MUC7: variants seen among roughly 807,000 people sequenced by gnomAD.
MUC7 encodes the protein mucin-7.
A neutral mutation model predicts 2.5 loss-of-function variants in MUC7; 2 were observed. That is an observed-to-expected ratio of 0.81 (90% CI 0.33 to 2.55). The LOEUF (loss-of-function observed/expected upper bound fraction) is 2.55, where lower values mean the gene tolerates loss of function less well. Among genes scored for constraint, MUC7 ranks in the 30% most tolerant of loss-of-function variants. The probability of loss-of-function intolerance (pLI) is 0.11; values close to 1 mark genes in which losing one functional copy is unlikely to be tolerated. For missense variants in MUC7, 408 were observed against 455.6 expected (o/e 0.90, Z 0.95); for synonymous variants, 133 against 173.4 (o/e 0.77, Z 1.83).
intron 1 of MUC7, among the ~76,000 whole-genome samples, chr4:70,432,513 T>A (rs1044254993): frequency 1.3e-5 from 2 of 152,274 alleles, no homozygotes; most frequent in Non-Finnish European, 2.9e-5. Flanking sequence ...ATGAGCATTT[T>A]TTCATGTGTC....
At position 70,444,025 on chromosome 4, in the gene MUC7, T is replaced by C. The variant is rs150382658; in HGVS notation, c.-93+13338T>C. ...CAGCAGCCAAACTGACCCTCATTTA[T>C]CACCAAATTTCCCATCCACAAGCCT... On this transcript the variant is annotated intron_variant, in intron 1 of 3. Coordinates refer to the MUC7 transcript ENST00000413702. Among the ~76,000 whole-genome samples, 372 of 152,322 alleles carry C rather than the reference T, an allele frequency of 2.4e-3. 3 individuals carry two copies. Among genetic ancestry groups the C allele is most frequent in the African/African-American group, 8.4e-3 (351 of 41,566 alleles).
rs772282386 is a variant in MUC7, at chr4:70,481,483, G to A, written c.739G>A (p.Ala247Thr). ...ACCCACACCTTCTGCAACTACACCA[G>A]CTCCACTATCTTCCTCAGCTCCACC... ...APPTPSATTP[A>T]PLSSSAPPET... is the part of the protein sequence containing the mutation. The change falls in exon 3 of 3, where the codon GCT becomes ACT. Residue 247 changes from alanine (A) to threonine (T), a missense_variant. Ala to Thr is a moderately conservative substitution (Grantham distance 58, BLOSUM62 0). Coordinates refer to ENST00000304887, the MANE Select transcript of MUC7 (RefSeq NM_152291.3). The A allele has an allele frequency of 2.0e-6, 3 of 1,500,994 alleles. No homozygotes were observed. Among genetic ancestry groups the A allele is most frequent in the African/African-American group, 1.4e-5 (1 of 69,358 alleles). The allele number at this position is 1,500,994 out of a possible 1,614,324, so 93.0% of individuals were successfully genotyped here.
intron 1 of MUC7, among the ~76,000 whole-genome samples, chr4:70,444,416 A>C (rs1014316716): frequency 6.6e-6 from 1 of 152,150 alleles, no homozygotes; most frequent in Non-Finnish European, 1.5e-5. Flanking sequence ...TACCACATTG[A>C]GAGTGACCAA....
chr4:70,442,084 T>C (rs891142006), intron 1 of MUC7, among the ~76,000 whole-genome samples: 5 of 152,212 alleles, frequency 3.3e-5, no homozygotes, highest in Non-Finnish European at 5.9e-5. Flanking sequence ...ATTCAAGAAG[T>C]TGAGGGAGCT....
At chr4:70,462,099 G>T (rs1283604017) in intron 1 of MUC7, among the ~76,000 whole-genome samples, 1 of 151,642 alleles carries the variant, frequency 6.6e-6, no homozygotes, top group Non-Finnish European at 1.5e-5. Flanking sequence ...TGTAGTCCCA[G>T]CTACTCAGGA....
At chr4:70,447,854 CT>C (rs1487056364) in intron 1 of MUC7, among the ~76,000 whole-genome samples, 1 of 152,082 alleles carries the variant, frequency 6.6e-6, no homozygotes, top group African/African-American at 2.4e-5. Context: ...TGTAGTCCCC[CT>C]GTAGCACTAG....
At chr4:70,459,863 T>C (rs762541864) in intron 1 of MUC7, among the ~76,000 whole-genome samples, 4 of 152,212 alleles carry the variant, frequency 2.6e-5, no homozygotes, top group Non-Finnish European at 5.9e-5. Context: ...AATTTACCAC[T>C]TCCTGTAACA....
At chr4:70,473,443 CAAA>C (rs60361215) in intron 1 of MUC7, among the ~76,000 whole-genome samples, 26,011 of 126,604 alleles carry the variant, frequency 0.21, 2,520 homozygotes, top group African/African-American at 0.28. Flanking sequence ...GACTCTGTCT[CAAA>C]AAAAAAAAAA....
At chr4:70,440,625 C>T (rs942928110) in intron 1 of MUC7, among the ~76,000 whole-genome samples, 6 of 152,048 alleles carry the variant, frequency 3.9e-5, no homozygotes, top group African/African-American at 1.4e-4. Flanking sequence ...AGAAAAGACA[C>T]ATTTAAGGTA....
At chr4:70,436,026 G>T (rs1442525432) in intron 1 of MUC7, among the ~76,000 whole-genome samples, 1 of 152,112 alleles carries the variant, frequency 6.6e-6, no homozygotes, top group African/African-American at 2.4e-5. Context: ...GTTGAATATT[G>T]GCCCCCACTC....
chr4:70,467,352 A>G (rs1173582087), upstream of MUC7, among the ~76,000 whole-genome samples: 1 of 152,188 alleles, frequency 6.6e-6, no homozygotes, highest in African/African-American at 2.4e-5. Flanking sequence ...TAAAAGAACT[A>G]GAGAAACAAG....
At chr4:70,464,337 C>T (rs557321810) in intron 1 of MUC7, among the ~76,000 whole-genome samples, 7 of 152,280 alleles carry the variant, frequency 4.6e-5, no homozygotes, top group Admixed American at 3.9e-4. Context: ...GGGCAGACAC[C>T]AAGCTAGCTG....
chr4:70,465,876 C>T (rs1284315970), intron 1 of MUC7, among the ~76,000 whole-genome samples: 1 of 152,076 alleles, frequency 6.6e-6, no homozygotes, highest in Non-Finnish European at 1.5e-5. Flanking sequence ...GACCAACATT[C>T]AAATTCAGGA....
intron 1 of MUC7, among the ~76,000 whole-genome samples, chr4:70,473,790 T>A (rs1434850202): frequency 6.6e-6 from 1 of 152,200 alleles, no homozygotes; most frequent in Non-Finnish European, 1.5e-5. Flanking sequence ...TTAGAATAAT[T>A]CTTGAGCCTC....
chr4:70,450,933 A>G (rs1033199950), intron 1 of MUC7, among the ~76,000 whole-genome samples: 2 of 152,082 alleles, frequency 1.3e-5, no homozygotes, highest in Admixed American at 6.5e-5. Flanking sequence ...TGATGCCAGC[A>G]CTTCCTTGGC....
At chr4:70,435,873 A>G (rs572212700) in intron 1 of MUC7, among the ~76,000 whole-genome samples, 2 of 152,166 alleles carry the variant, frequency 1.3e-5, no homozygotes, top group Admixed American at 6.5e-5. Context: ...TGCTTCCTTC[A>G]GGAACTCTTG....
chr4:70,479,915 T>G (rs942868120), intron 2 of MUC7, among the ~76,000 whole-genome samples: 8 of 152,200 alleles, frequency 5.3e-5, no homozygotes, highest in African/African-American at 1.7e-4. Flanking sequence ...ACATTCAGTG[T>G]CAAGAACTCT....
At chr4:70,463,215 A>G (rs1361838494) in intron 1 of MUC7, among the ~76,000 whole-genome samples, 1 of 152,204 alleles carries the variant, frequency 6.6e-6, no homozygotes, top group Non-Finnish European at 1.5e-5. Flanking sequence ...AAAATCCTAA[A>G]ATAATATTGA....
chr4:70,439,759 C>T (rs942098640), intron 1 of MUC7, among the ~76,000 whole-genome samples: 14 of 151,984 alleles, frequency 9.2e-5, no homozygotes, highest in Middle Eastern at 3.4e-3. Context: ...TTTAAAAGCA[C>T]TATATGAATG....
Sources: gnomAD v4.1 joint callset for allele counts (sites outside exome capture counted in the v4.1 genomes callset) on GRCh38, gnomAD v4.1.1 for gene constraint, MANE v1.5 for transcripts, NCBI Gene and HGNC (gene_info 2026-07-23, HGNC 2026-07-21) for gene names.